Variants in LRRK2 observed in about 807,000 individuals in gnomAD.
The protein encoded by LRRK2 is leucine rich repeat kinase 2, also known as leucine-rich repeat serine/threonine-protein kinase 2.
Under a neutral mutation model 302.6 loss-of-function variants are expected in LRRK2, and 203 were observed. That is an observed-to-expected ratio of 0.67 (90% CI 0.60 to 0.75). The LOEUF (loss-of-function observed/expected upper bound fraction) is 0.75. Ranked by LOEUF, LRRK2 falls within the 30% of genes least tolerant of loss-of-function variation. The pLI is 0.00. For synonymous variants in LRRK2, 1,066 were observed against 1,031.9 expected, an observed-to-expected ratio of 1.03 and a Z score of -0.63; for missense variants, 2,830 against 2,951.0, an observed-to-expected ratio of 0.96 and a Z score of 0.95.
intron 41 of LRRK2, among the ~76,000 whole-genome samples, chr12:40,343,905 GTATTA>G (rs960210079): frequency 2.0e-5 from 3 of 151,972 alleles, no homozygotes; most frequent in Non-Finnish European, 2.9e-5. Context: ...TTTTAGAAGG[GTATTA>G]TATTATAATT....
intron 8 of LRRK2, 144 bp from the exon 9 acceptor site, chr12:40,251,088 A>C: frequency 1.9e-6 from 1 of 536,838 alleles, no homozygotes. Flanking sequence ...ATATATTAAA[A>C]ATTATCTTTA....
rs1264619227 is a variant in LRRK2, at chr12:40,240,485, T to G, written c.574T>G (p.Ser192Ala). The change falls in exon 6 of 51, where the codon TCA (serine) becomes GCA (alanine). Residue 192 changes from serine to alanine, a missense_variant and splice_region_variant. Ser to Ala is a moderately conservative substitution (Grantham distance 99). Transcript: ENST00000298910. Reference sequence around the variant, plus strand: ...GTATTTTGTCTTTCATTTTTAAGTCTCAGAGGAGCAACTGACTGAATTTGT... The same window carrying G: ...GTATTTTGTCTTTCATTTTTAAGTCGCAGAGGAGCAACTGACTGAATTTGT... The part of the protein sequence containing the change: ...KALHVLFERV[S>A]EEQLTEFVEN... 1 of 1,612,602 alleles carries G rather than the reference T, an allele frequency of 6.2e-7. No individual in the cohort carries two copies. Among genetic ancestry groups the G allele is most frequent in the East Asian group, 2.2e-5 (1 of 44,764 alleles).
chr12:40,286,107 G>T (rs1169307084), intron 19 of LRRK2, among the ~76,000 whole-genome samples: 1 of 151,892 alleles, frequency 6.6e-6, no homozygotes, highest in Non-Finnish European at 1.5e-5. Context: ...TCTTTGTTCT[G>T]TCTGGAGTTT....
At chr12:40,320,303 C>A in intron 34 of LRRK2, 128 bp downstream of exon 34, 1 of 699,100 alleles carries the variant, frequency 1.4e-6, no homozygotes, top group Non-Finnish European at 2.4e-6. Context: ...TAGTGTAAAC[C>A]TCCTACTGAC....
chr12:40,243,829 C>A, intron 7 of LRRK2, 148 bp downstream of exon 7: 1 of 827,606 alleles, frequency 1.2e-6, no homozygotes. Flanking sequence ...TAAATTAAAA[C>A]AAAAAGAAAA....
At chr12:40,287,207 G>C (rs988291658) in intron 19 of LRRK2, 144 bp from the exon 20 acceptor site, 42 of 700,684 alleles carry the variant, frequency 6.0e-5, no homozygotes, top group Middle Eastern at 3.7e-4. Context: ...TAATTATTCA[G>C]GATCACTAGT....
At chr12:40,320,303 C>T in intron 34 of LRRK2, 128 bp downstream of exon 34, 1 of 699,100 alleles carries the variant, frequency 1.4e-6, no homozygotes, top group Non-Finnish European at 2.4e-6. Context: ...TAGTGTAAAC[C>T]TCCTACTGAC....
intron 8 of LRRK2, among the ~76,000 whole-genome samples, chr12:40,250,287 C>T (rs186983110): frequency 0.014 from 2,193 of 152,016 alleles, 48 homozygotes; most frequent in African/African-American, 0.048. Flanking sequence ...GTCAGGAGTT[C>T]GAGACCAGCC....
chr12:40,337,247 G>T (rs1304646185), intron 40 of LRRK2, among the ~76,000 whole-genome samples: 1 of 152,156 alleles, frequency 6.6e-6, no homozygotes, highest in Admixed American at 6.6e-5. Flanking sequence ...CTTAAATGCT[G>T]GAGCTGTTTA....
intron 2 of LRRK2, among the ~76,000 whole-genome samples, chr12:40,231,246 T>G (rs1941166965): frequency 1.3e-5 from 2 of 151,858 alleles, no homozygotes; most frequent in Non-Finnish European, 2.9e-5. Context: ...TTCTGTCAGG[T>G]AGATATGACT....
chr12:40,362,481 C>G (rs903744015), intron 47 of LRRK2, among the ~76,000 whole-genome samples: 11 of 152,158 alleles, frequency 7.2e-5, no homozygotes, highest in Middle Eastern at 3.4e-3. Flanking sequence ...CAACTGTTTA[C>G]TGGACGAGGG....
Position 40,335,149 on chromosome 12 carries a change from T to C in LRRK2, c.5940T>C (p.Asp1980=). Residue 1980 remains aspartate (D), a synonymous_variant, in exon 40 of 51, where the codon GAT becomes GAC. Coordinates refer to ENST00000298910, the MANE Select transcript of LRRK2 (RefSeq NM_198578.4). ...ACAGGATTGCACTCCACGTAGCTGA[T>C]GGTTTGAGGTAAGTAGGTCATGTTG... ...LQHRIALHVA[D]GLRYLHSAMI... 1.2e-6 allele frequency: 2 copies of C among 1,614,008 alleles called. No individual in the cohort carries two copies. Among genetic ancestry groups the C allele is most frequent in the South Asian group, 1.1e-5 (1 of 91,068 alleles).
At position 40,322,431 on chromosome 12, in the gene LRRK2, A is replaced by G; in HGVS notation, c.5430A>G (p.Lys1810=). 2.5e-6 allele frequency: 4 copies of G among 1,613,502 alleles called. No individual in the cohort carries two copies. The highest frequency in any genetic ancestry group is 2.5e-6 in the Non-Finnish European group (3 of 1,179,548). The change falls in exon 37 of 51, where the codon AAA becomes AAG. Residue 1810 remains lysine (K), a synonymous_variant. Coordinates refer to ENST00000298910, the MANE Select transcript of LRRK2 (RefSeq NM_198578.4). ...ICGEGETLLK[K]WALYSFNDGE... ...GTGAAGGAGAAACTCTGTTGAAGAA[A>G]TGGGCATTATATAGTTTTAATGATG...
intron 23 of LRRK2, among the ~76,000 whole-genome samples, chr12:40,297,656 A>G (rs905961782): frequency 2.0e-5 from 3 of 152,152 alleles, no homozygotes; most frequent in African/African-American, 7.2e-5. Context: ...CTTTGAGAGT[A>G]TTACGTACCT....
chr12:40,231,807 A>G (rs116644875), intron 2 of LRRK2, among the ~76,000 whole-genome samples: 14,248 of 146,822 alleles, frequency 0.097, 771 homozygotes, highest in South Asian at 0.14. Context: ...ATATATATAT[A>G]ATATATATAT....
At chr12:40,327,102 C>T (rs982356951) in intron 38 of LRRK2, among the ~76,000 whole-genome samples, 10 of 152,144 alleles carry the variant, frequency 6.6e-5, no homozygotes. Flanking sequence ...TTTCAAGGCA[C>T]TATATGAGAA....
At chr12:40,280,730 G>A (rs982400323) in intron 18 of LRRK2, among the ~76,000 whole-genome samples, 2 of 152,174 alleles carry the variant, frequency 1.3e-5, no homozygotes, top group Admixed American at 6.5e-5. Flanking sequence ...AGCTAAGATT[G>A]TGCCACTGTA....
intron 2 of LRRK2, among the ~76,000 whole-genome samples, chr12:40,229,562 G>C (rs981165269): frequency 7.2e-5 from 11 of 152,272 alleles, no homozygotes; most frequent in African/African-American, 2.4e-4. Flanking sequence ...AACCTTTGAA[G>C]AAGGGGAGCA....
intron 24 of LRRK2, 61 bp downstream of exon 24, chr12:40,298,554 T>G (rs1944470112): frequency 1.3e-6 from 2 of 1,589,632 alleles, no homozygotes; most frequent in Non-Finnish European, 1.7e-6. Flanking sequence ...TAACAAAATA[T>G]GCTGACATTT....
Sources: allele counts gnomAD v4.1 joint callset (sites outside exome capture counted in the v4.1 genomes callset), GRCh38; gene constraint gnomAD v4.1.1; transcripts MANE v1.5; gene names NCBI Gene and HGNC (gene_info 2026-07-23, HGNC 2026-07-21).